DNAI2: variants seen among roughly 807,000 people sequenced by gnomAD.
DNAI2 encodes the protein dynein, axonemal, intermediate polypeptide 2.
Under a neutral mutation model 74.7 loss-of-function variants are expected in DNAI2, and 63 were observed. That is an observed-to-expected ratio of 0.84 (90% CI 0.69 to 1.04). The LOEUF (loss-of-function observed/expected upper bound fraction) is 1.04. Ranked by LOEUF, DNAI2 falls within the 50% of genes least tolerant of loss-of-function variation. The probability of loss-of-function intolerance (pLI) is 0.00; values close to 1 mark genes in which losing one functional copy is unlikely to be tolerated. For missense variants in DNAI2, 688 were observed against 803.2 expected, an observed-to-expected ratio of 0.86 and a Z score of 1.73; for synonymous variants, 289 against 314.9, an observed-to-expected ratio of 0.92 and a Z score of 0.87.
At chr17:74,314,058 AG>A in intron 12 of DNAI2, 62 bp from the exon 13 acceptor site, 1 of 1,611,620 alleles carries the variant, frequency 6.2e-7, no homozygotes, top group Non-Finnish European at 8.5e-7. Flanking sequence ...TTCACATCCC[AG>A]GGGAGTGGGG....
chr17:74,278,148 C>T (rs981202491), intron 1 of DNAI2, among the ~76,000 whole-genome samples: 1 of 152,074 alleles, frequency 6.6e-6, no homozygotes, highest in Non-Finnish European at 1.5e-5. Context: ...TCAGTTTCTT[C>T]ATCTCGAAAA....
Position 74,314,628 on chromosome 17 carries a change from G to GTGTAT in DNAI2, c.*95_*96insTGTAT. The GTGTAT allele has an allele frequency of 1.8e-5, 4 of 228,296 alleles. No homozygotes were observed. Among genetic ancestry groups the GTGTAT allele is most frequent in the Non-Finnish European group, 1.8e-5 (2 of 111,934 alleles). The allele number at this position is 228,296 out of a possible 1,614,324, so 14.1% of individuals were successfully genotyped here. On this transcript the variant is annotated 3_prime_UTR_variant, in exon 14 of 14. Transcript: ENST00000311014. The stretch of plus-strand genomic sequence containing the variant: ...TTGCATGGCCATGGCAGGGCCTCGG[G>GTGTAT]AAGACCTTCAGGAGTGGGGAAGGGT...
At chr17:74,302,375 C>T (rs1445400143) in intron 8 of DNAI2, among the ~76,000 whole-genome samples, 4 of 152,172 alleles carry the variant, frequency 2.6e-5, no homozygotes, top group African/African-American at 4.8e-5. Flanking sequence ...CGAGGCCAGC[C>T]TGACCAATAT....
chr17:74,313,476 GGCCTAT>G (rs1220587901), intron 12 of DNAI2, among the ~76,000 whole-genome samples: 1 of 152,102 alleles, frequency 6.6e-6, no homozygotes. Flanking sequence ...CACCACTCCT[GGCCTAT>G]CCAGCCCTGC....
At position 74,301,160 on chromosome 17, in the gene DNAI2, T is replaced by C; in HGVS notation, c.979T>C (p.Ser327Pro). Residue 327 changes from serine to proline, a missense_variant, in exon 8 of 14, where the codon TCT (serine) becomes CCT (proline). Ser to Pro is a moderately conservative substitution (Grantham distance 74, BLOSUM62 -1). Transcript: ENST00000311014. ...ALGAISLEFE[S>P]TLPTKFMVGT... is the part of the protein sequence containing the mutation. ...GGGGGCCATCTCCCTGGAGTTCGAA[T>C]CTACTTTGGTGAGTGTCCCTTGCTG... 1 of 1,613,814 alleles carries C rather than the reference T, an allele frequency of 6.2e-7. No individual in the cohort carries two copies. The highest frequency in any genetic ancestry group is 8.5e-7 in the Non-Finnish European group (1 of 1,179,816).
chr17:74,295,647 T>G (rs373803565), intron 6 of DNAI2, among the ~76,000 whole-genome samples: 1 of 34,088 alleles, frequency 2.9e-5, no homozygotes, highest in South Asian at 9.0e-4. Context: ...TGTCTTATAA[T>G]TTTTTTTTTA....
Position 74,275,773 on chromosome 17 carries a change from T to G in DNAI2, c.-12+1428T>G, listed in dbSNP as rs1448813221. 2.7e-5 allele frequency among the ~76,000 whole-genome samples: 4 copies of G among 150,718 alleles called. No homozygotes were observed. The South Asian group carries it at 6.3e-4, about 24-fold the overall frequency. On this transcript the variant is annotated intron_variant, in intron 1 of 13. Transcript: ENST00000311014. ...AGTGTGGTGGCATGCACCAGTAGTC[T>G]CAGCTACTCAGGAGACTGAGGCACA...
chr17:74,279,194 A>T (rs2051258776), intron 1 of DNAI2, among the ~76,000 whole-genome samples: 1 of 152,118 alleles, frequency 6.6e-6, no homozygotes. Context: ...AAAAATAACT[A>T]ACAAAGGATA....
chr17:74,313,901 G>T, intron 12 of DNAI2: 1 of 610,704 alleles, frequency 1.6e-6, no homozygotes, highest in South Asian at 1.9e-5. Context: ...GCAGAAGCCA[G>T]GCGTGAACCC....
intron 6 of DNAI2, among the ~76,000 whole-genome samples, chr17:74,297,820 T>C (rs1049054751): frequency 2.0e-5 from 3 of 152,084 alleles, no homozygotes; most frequent in African/African-American, 2.4e-5. Context: ...CCCAGGCCAG[T>C]CTTGACCCTG....
At chr17:74,279,728 C>A (rs541792432) in intron 1 of DNAI2, among the ~76,000 whole-genome samples, 1 of 152,298 alleles carries the variant, frequency 6.6e-6, no homozygotes, top group South Asian at 2.1e-4. Context: ...GGGTTTTCGC[C>A]ATGTTGGCCA....
intron 11 of DNAI2, 58 bp downstream of exon 11, chr17:74,310,221 C>A: frequency 1.3e-6 from 2 of 1,586,972 alleles, no homozygotes; most frequent in Non-Finnish European, 1.7e-6. Context: ...GGCCCCACAG[C>A]AGAGCAGGCT....
chr17:74,309,919 A>G, intron 10 of DNAI2, 98 bp from the exon 11 acceptor site: 2 of 1,523,302 alleles, frequency 1.3e-6, no homozygotes, highest in Non-Finnish European at 1.8e-6. Context: ...ATGTTTGAAT[A>G]GGGCCAAGTG....
In DNAI2 at chr17:74,314,612, CAT is replaced by C; in HGVS notation, c.*80_*81del. On this transcript the variant is annotated 3_prime_UTR_variant, in exon 14 of 14. Coordinates refer to ENST00000311014, the MANE Select transcript of DNAI2 (RefSeq NM_023036.6). ...AGACCCTCAACCAGACTTGCATGGC[CAT>C]GGCAGGGCCTCGGGAAGACCTTCAG... is the stretch of plus-strand genomic sequence containing the variant. The C allele has an allele frequency of 3.9e-6, 1 of 256,804 alleles. No homozygotes were observed. 15.9% of individuals were successfully genotyped at this position (256,804 alleles called of 1,614,324 possible). A position where few individuals can be genotyped will look rare whatever the true frequency, so the allele number is the denominator to read the frequency against.
chr17:74,279,847 A>G (rs1310440667), intron 1 of DNAI2, among the ~76,000 whole-genome samples: 1 of 152,138 alleles, frequency 6.6e-6, no homozygotes, highest in Non-Finnish European at 1.5e-5. Context: ...TGGGCGTTGA[A>G]AGGCCTTTGG....
chr17:74,294,307 T>TC (rs2052307533), intron 6 of DNAI2, among the ~76,000 whole-genome samples: 1 of 150,570 alleles, frequency 6.6e-6, no homozygotes, highest in Admixed American at 6.7e-5. Flanking sequence ...TCTTTTTTTT[T>TC]TTTCTTTTCT....
At chr17:74,289,488 CT>C in intron 4 of DNAI2, 105 bp from the exon 5 acceptor site, 1 of 1,452,434 alleles carries the variant, frequency 6.9e-7, no homozygotes, top group Non-Finnish European at 9.4e-7. Context: ...GATTATGCCA[CT>C]GCCTGGGGGA....
In DNAI2 at chr17:74,314,608, T is replaced by C; in HGVS notation, c.*75T>C. ...TTGCAGACCCTCAACCAGACTTGCA[T>C]GGCCATGGCAGGGCCTCGGGAAGAC... On this transcript the variant is annotated 3_prime_UTR_variant, in exon 14 of 14. Coordinates refer to ENST00000311014, the MANE Select transcript of DNAI2 (RefSeq NM_023036.6). The C allele has an allele frequency of 3.9e-6, 1 of 254,568 alleles. No individual in the cohort carries two copies. The allele number at this position is 254,568 out of a possible 1,614,324, so 15.8% of individuals were successfully genotyped here.
At chr17:74,293,565 G>T (rs533772611) in intron 6 of DNAI2, among the ~76,000 whole-genome samples, 4 of 151,804 alleles carry the variant, frequency 2.6e-5, no homozygotes, top group African/African-American at 9.6e-5. Context: ...GTAGCCAGGT[G>T]TGGTGACACG....
Sources: gnomAD v4.1 joint callset for allele counts (sites outside exome capture counted in the v4.1 genomes callset) on GRCh38, gnomAD v4.1.1 for gene constraint, MANE v1.5 for transcripts, NCBI Gene and HGNC (gene_info 2026-07-23, HGNC 2026-07-21) for gene names.